The following STXBP6 variants were observed in gnomAD, a reference collection of about 807,000 sequenced individuals.
STXBP6 encodes syntaxin binding protein 6.
Under a neutral mutation model 26.9 loss-of-function variants are expected in STXBP6, and 21 were observed. That is an observed-to-expected ratio of 0.78 (90% CI 0.55 to 1.12). The LOEUF (loss-of-function observed/expected upper bound fraction) is 1.12. Among genes scored for constraint, STXBP6 ranks in the 50% most tolerant of loss-of-function variants. The pLI is 0.00. For synonymous variants in STXBP6, 97 were observed against 92.6 expected (o/e 1.05, Z -0.27); for missense variants, 232 against 257.9 (o/e 0.90, Z 0.69).
chr14:24,898,565 T>C (rs1460355837), intron 2 of STXBP6, among the ~76,000 whole-genome samples: 2 of 152,078 alleles, frequency 1.3e-5, no homozygotes, highest in African/African-American at 4.8e-5. Flanking sequence ...TAGTCCCAGC[T>C]ACTCGAGAGG....
intron 2 of STXBP6, among the ~76,000 whole-genome samples, chr14:24,960,757 T>C (rs1312127682): frequency 2.0e-5 from 3 of 152,214 alleles, no homozygotes; most frequent in Non-Finnish European, 4.4e-5. Flanking sequence ...GAGCCACTTC[T>C]TTGATCATTA....
chr14:24,914,667 TTTCC>T (rs1374964841), intron 2 of STXBP6, among the ~76,000 whole-genome samples: 1 of 152,214 alleles, frequency 6.6e-6, no homozygotes, highest in Non-Finnish European at 1.5e-5. Flanking sequence ...CTGTCTATTT[TTTCC>T]CTAAGCTATC....
intron 1 of STXBP6, among the ~76,000 whole-genome samples, chr14:25,007,610 T>C (rs749352611): frequency 6.6e-6 from 1 of 152,210 alleles, no homozygotes; most frequent in Non-Finnish European, 1.5e-5. Flanking sequence ...GGAAGCTCTG[T>C]GAGGTCAGGG....
At chr14:24,916,534 T>G (rs1207546870) in intron 2 of STXBP6, among the ~76,000 whole-genome samples, 1 of 152,158 alleles carries the variant, frequency 6.6e-6, no homozygotes, top group Non-Finnish European at 1.5e-5. Context: ...TCTATCTGAT[T>G]GCAGCTACTG....
intron 1 of STXBP6, among the ~76,000 whole-genome samples, chr14:24,982,828 C>T (rs545796535): frequency 7.2e-4 from 109 of 152,322 alleles, no homozygotes; most frequent in Admixed American, 1.9e-3. Flanking sequence ...ATTTACATTG[C>T]GGGTGTACCT....
At chr14:24,836,648 C>T (rs539512054) in intron 4 of STXBP6, among the ~76,000 whole-genome samples, 2 of 137,330 alleles carry the variant, frequency 1.5e-5, no homozygotes, top group African/African-American at 5.5e-5. Flanking sequence ...AATCAATAAC[C>T]AGTCAAAAGG....
At chr14:25,005,983 T>C (rs930057686) in intron 1 of STXBP6, among the ~76,000 whole-genome samples, 22 of 152,174 alleles carry the variant, frequency 1.4e-4, no homozygotes, top group Admixed American at 2.0e-4. Flanking sequence ...TTTAGGGATT[T>C]TGATCTTTTG....
At chr14:24,814,444 C>G (rs2067912403) in intron 5 of STXBP6, among the ~76,000 whole-genome samples, 1 of 152,190 alleles carries the variant, frequency 6.6e-6, no homozygotes, top group African/African-American at 2.4e-5. Flanking sequence ...TGCTGCTGTC[C>G]TGGTATTCAA....
chr14:24,825,531 G>T (rs1351883139), intron 4 of STXBP6, among the ~76,000 whole-genome samples: 1 of 152,152 alleles, frequency 6.6e-6, no homozygotes, highest in Non-Finnish European at 1.5e-5. Flanking sequence ...CTACTTGAAG[G>T]ACACCTTGGA....
At chr14:25,031,863 C>A (rs2140469702) in intron 1 of STXBP6, among the ~76,000 whole-genome samples, 1 of 152,192 alleles carries the variant, frequency 6.6e-6, no homozygotes, top group South Asian at 2.1e-4. Context: ...GACAACAGAC[C>A]AGCACAGCAG....
At chr14:24,926,500 G>A (rs924063585) in intron 2 of STXBP6, among the ~76,000 whole-genome samples, 8 of 151,992 alleles carry the variant, frequency 5.3e-5, no homozygotes, top group South Asian at 2.1e-4. Flanking sequence ...CATATTTTAC[G>A]CCCTGTGATG....
At chr14:24,921,540 T>C (rs2071978152) in intron 2 of STXBP6, among the ~76,000 whole-genome samples, 1 of 152,134 alleles carries the variant, frequency 6.6e-6, no homozygotes, top group Non-Finnish European at 1.5e-5. Context: ...AATACAACTT[T>C]ACTATAAGAG....
chr14:25,025,970 C>T (rs1347443840), intron 1 of STXBP6, among the ~76,000 whole-genome samples: 1 of 152,190 alleles, frequency 6.6e-6, no homozygotes, highest in African/African-American at 2.4e-5. Context: ...AAGACCACAG[C>T]AAATACACAG....
At chr14:24,937,972 T>C (rs904287660) in intron 2 of STXBP6, among the ~76,000 whole-genome samples, 1 of 152,224 alleles carries the variant, frequency 6.6e-6, no homozygotes, top group Admixed American at 6.5e-5. Flanking sequence ...ACTTTGCAAA[T>C]GCAGAAACGT....
At chr14:24,894,002 G>T (rs188487481) in intron 2 of STXBP6, among the ~76,000 whole-genome samples, 1 of 151,884 alleles carries the variant, frequency 6.6e-6, no homozygotes, top group Non-Finnish European at 1.5e-5. Context: ...TCAAATCAGG[G>T]AAAAGAAAAA....
intron 1 of STXBP6, among the ~76,000 whole-genome samples, chr14:25,040,409 G>A (rs966229593): frequency 3.9e-5 from 6 of 152,154 alleles, no homozygotes; most frequent in East Asian, 3.8e-4. Context: ...ACATAGTACT[G>A]CAGGACCTTA....
At chr14:25,038,831 GA>G (rs903006806) in intron 1 of STXBP6, among the ~76,000 whole-genome samples, 2 of 150,250 alleles carry the variant, frequency 1.3e-5, no homozygotes, top group Non-Finnish European at 3.0e-5. Flanking sequence ...TTAAAAAAAA[GA>G]AAAAAAAATA....
At chr14:24,912,549 C>A (rs1416519182) in intron 2 of STXBP6, among the ~76,000 whole-genome samples, 1 of 151,848 alleles carries the variant, frequency 6.6e-6, no homozygotes, top group Non-Finnish European at 1.5e-5. Flanking sequence ...TTAGATCTAT[C>A]CATTTAAAAA....
intron 1 of STXBP6, among the ~76,000 whole-genome samples, chr14:25,027,660 G>C (rs1023050800): frequency 6.6e-6 from 1 of 152,202 alleles, no homozygotes; most frequent in Non-Finnish European, 1.5e-5. Flanking sequence ...AGATTCTCAT[G>C]TCTCTCACTT....
Sources: gnomAD v4.1 joint callset for allele counts (sites outside exome capture counted in the v4.1 genomes callset) on GRCh38, gnomAD v4.1.1 for gene constraint, MANE v1.5 for transcripts, NCBI Gene and HGNC (gene_info 2026-07-23, HGNC 2026-07-21) for gene names.